PRKAA1: variants seen among roughly 807,000 people sequenced by gnomAD.
PRKAA1 encodes the protein protein kinase AMP-activated catalytic subunit alpha 1, also known as 5'-AMP-activated protein kinase catalytic subunit alpha-1.
In PRKAA1, 23 loss-of-function variants were observed where a neutral mutation model predicts 56.9. That is an observed-to-expected ratio of 0.40 (90% CI 0.29 to 0.57). The LOEUF (loss-of-function observed/expected upper bound fraction) is 0.57, where lower values mean the gene tolerates loss of function less well. PRKAA1 is among the 20% of genes least tolerant of loss of function. PRKAA1 has a pLI of 0.39. For missense variants in PRKAA1, 413 were observed against 679.7 expected (o/e 0.61, Z 4.36); for synonymous variants, 226 against 227.0 (o/e 1.00, Z 0.04).
intron 3 of PRKAA1, chr5:40,774,980 C>CA (rs1422895250): frequency 3.1e-6 from 5 of 1,592,006 alleles, no homozygotes; most frequent in South Asian, 1.1e-5. Flanking sequence ...TTTCTGAAAC[C>CA]AAAAAATGAA....
At chr5:40,770,843 G>A (rs992885047) in intron 4 of PRKAA1, among the ~76,000 whole-genome samples, 14 of 151,756 alleles carry the variant, frequency 9.2e-5, no homozygotes, top group Non-Finnish European at 1.9e-4. Flanking sequence ...CGCCCGCCTC[G>A]GCCTCCCAAA....
chr5:40,768,707 A>G (rs1383743942), intron 5 of PRKAA1: 7 of 1,295,164 alleles, frequency 5.4e-6, no homozygotes, highest in Admixed American at 4.1e-5. Context: ...ATTCACACAA[A>G]TAAGCATGGT....
chr5:40,777,900 C>T (rs1423084657), intron 1 of PRKAA1, among the ~76,000 whole-genome samples: 1 of 152,138 alleles, frequency 6.6e-6, no homozygotes, highest in African/African-American at 2.4e-5. Context: ...TGGTGAAACC[C>T]CGTTTCTACT....
rs931074243 is a variant in PRKAA1, at chr5:40,761,767, A to G, written c.*1011T>C. 6.6e-6 allele frequency: 1 copy of G among 152,364 alleles called. No individual in the cohort carries two copies. The highest frequency in any genetic ancestry group is 2.4e-5 in the African/African-American group (1 of 41,462). The allele number at this position is 152,364 out of a possible 1,614,324, so 9.4% of individuals were successfully genotyped here. ...AGAGGAATTTGTGAAATTGGCAAAA[A>G]TAATATGATTTATCTACAGTATATG... On this transcript the variant is annotated 3_prime_UTR_variant, in exon 9 of 9. Transcript: ENST00000397128.
chr5:40,777,311 C>A, intron 2 of PRKAA1, 134 bp downstream of exon 2: 1 of 1,018,648 alleles, frequency 9.8e-7, no homozygotes, highest in South Asian at 1.7e-5. Context: ...CCGCACACAG[C>A]CTAGGAAGAA....
At chr5:40,797,881 G>C (rs1158586767) in intron 1 of PRKAA1, among the ~76,000 whole-genome samples, 182 bp downstream of exon 1, 1 of 151,836 alleles carries the variant, frequency 6.6e-6, no homozygotes, top group Non-Finnish European at 1.5e-5. Context: ...CCCCCACCCG[G>C]CCTGTGCTGG....
Position 40,775,405 on chromosome 5 carries a change from C to G in PRKAA1, c.363+5G>C. On this transcript the variant is annotated splice_donor_5th_base_variant and intron_variant, in intron 3 of 8. Coordinates refer to ENST00000397128, the MANE Select transcript of PRKAA1 (RefSeq NM_006251.6). ...TACATACAGAATTAAAGCAGAACAG[C>G]TTACCCTTCCATTCTTACAGATATA... 1 of 1,579,758 alleles carries G rather than the reference C, an allele frequency of 6.3e-7. No individual in the cohort carries two copies.
chr5:40,764,207 T>C lies in PRKAA1; in HGVS notation c.1435+307A>G, dbSNP rs555973129. The C allele has an allele frequency of 3.7e-4, 68 of 185,726 alleles. 1 individual carries two copies. In the South Asian group the frequency reaches 0.011, roughly 29 times the overall value. 11.5% of individuals were successfully genotyped at this position (185,726 alleles called of 1,614,324 possible). On this transcript the variant is annotated intron_variant, in intron 8 of 8. Transcript: ENST00000397128. ...TCAATATTTATTTCTAAATAAAACA[T>C]TGTCTCTTATCAAAATGAACTACAC...
At chr5:40,774,939 A>T in intron 3 of PRKAA1, 3 of 1,602,596 alleles carry the variant, frequency 1.9e-6, no homozygotes, top group Non-Finnish European at 2.6e-6. Context: ...TCCTTCGTGG[A>T]GCCTGTTTTT....
At chr5:40,773,818 A>G (rs1022050850) in intron 3 of PRKAA1, among the ~76,000 whole-genome samples, 1 of 152,236 alleles carries the variant, frequency 6.6e-6, no homozygotes, top group African/African-American at 2.4e-5. Flanking sequence ...ATATTGGGGA[A>G]TAAGACCTAT....
At chr5:40,784,107 T>G (rs2112070942) in intron 1 of PRKAA1, among the ~76,000 whole-genome samples, 1 of 152,322 alleles carries the variant, frequency 6.6e-6, no homozygotes, top group South Asian at 2.1e-4. Flanking sequence ...AAGTGATTGA[T>G]AAATAAATGG....
chr5:40,795,932 G>C (rs181804518), intron 1 of PRKAA1, among the ~76,000 whole-genome samples: 1 of 152,148 alleles, frequency 6.6e-6, no homozygotes, highest in Non-Finnish European at 1.5e-5. Context: ...GGAGACATTC[G>C]TGTCACAGCC....
chr5:40,765,152 G>A lies in PRKAA1; in HGVS notation c.908C>T (p.Ala303Val), dbSNP rs766503818. ...SYSSTMIDDE[A>V]LKEVCEKFEC... ...AAACTTTTCACATACTTCTTTTAAG[G>A]CTTCATCATCAATCATGGTTGAACT... is the stretch of plus-strand genomic sequence containing the variant. The change falls in exon 7 of 9, where the codon GCC (alanine) becomes GTC (valine). Residue 303 changes from alanine (A) to valine (V), a missense_variant. Ala to Val is a moderately conservative substitution (Grantham distance 64). This residue lies in a region of PRKAA1 where 113 missense variants were observed against 198.6 expected (regional missense o/e 0.57). Transcript: ENST00000397128. 2 of 1,614,064 alleles carry A rather than the reference G, an allele frequency of 1.2e-6. No individual in the cohort carries two copies. The highest frequency in any genetic ancestry group is 4.5e-5 in the East Asian group (2 of 44,880).
chr5:40,788,516 T>C (rs1744587339), intron 1 of PRKAA1, among the ~76,000 whole-genome samples: 1 of 152,100 alleles, frequency 6.6e-6, no homozygotes, highest in Non-Finnish European at 1.5e-5. Flanking sequence ...ACAAATGGGA[T>C]GACATCAAAC....
In PRKAA1 at chr5:40,769,892, A is replaced by C. The variant is rs1743644579; in HGVS notation, c.509-389T>G. On this transcript the variant is annotated intron_variant, in intron 4 of 8. Transcript: ENST00000397128. ...TTCTGATTCTTTAAAAAAAAAAAAA[A>C]AAAAAAAAACAGTAATTTTGAATTT... Among the ~76,000 whole-genome samples, 4 of 150,756 alleles carry C rather than the reference A, an allele frequency of 2.7e-5. No homozygotes were observed. In the South Asian group the frequency reaches 8.3e-4, roughly 31 times the overall value.
At chr5:40,775,386 C>A (rs747384941) in intron 3 of PRKAA1, 24 bp downstream of exon 3, 12 of 1,543,222 alleles carry the variant, frequency 7.8e-6, no homozygotes, top group Non-Finnish European at 9.9e-6. Flanking sequence ...AAAATACATA[C>A]AGAATTAAAG....
chr5:40,777,664 T>C, intron 1 of PRKAA1, 78 bp from the exon 2 acceptor site: 1 of 1,364,704 alleles, frequency 7.3e-7, no homozygotes, highest in Non-Finnish European at 1.0e-6. Flanking sequence ...CCCGGTGCAG[T>C]GGCTCATGCC....
intron 3 of PRKAA1, among the ~76,000 whole-genome samples, chr5:40,774,058 T>C (rs1743875641): frequency 6.6e-6 from 1 of 152,224 alleles, no homozygotes; most frequent in Non-Finnish European, 1.5e-5. Context: ...ACATATTTGT[T>C]ATTATTAGCA....
rs1442405584 is a variant in PRKAA1, at chr5:40,775,592, G to C, written c.270-89C>G. ...TTACTAAGCACCTATAGTATACCAG[G>C]TACTAGGCTAGGAGCTAGAAAAACT... On this transcript the variant is annotated intron_variant, in intron 2 of 8. Transcript: ENST00000397128. The C allele has an allele frequency of 7.7e-6, 8 of 1,039,470 alleles. No individual in the cohort carries two copies. The East Asian group carries it at 1.8e-4, about 24-fold the overall frequency. The allele number at this position is 1,039,470 out of a possible 1,614,324, so 64.4% of individuals were successfully genotyped here.
Sources: allele counts gnomAD v4.1 joint callset (sites outside exome capture counted in the v4.1 genomes callset), GRCh38; gene constraint gnomAD v4.1.1; regional missense constraint gnomAD v4.1.1; transcripts MANE v1.5; gene names NCBI Gene and HGNC (gene_info 2026-07-23, HGNC 2026-07-21).